The following ENTPD1 variants were observed in gnomAD, a reference collection of about 807,000 sequenced individuals.
ENTPD1 encodes the protein ectonucleoside triphosphate diphosphohydrolase 1.
A neutral mutation model predicts 57.0 loss-of-function variants in ENTPD1; 33 were observed. The observed-to-expected ratio is 0.58, with a 90% CI of 0.44 to 0.77. The LOEUF is 0.77. Ranked by LOEUF, ENTPD1 falls within the 30% of genes least tolerant of loss-of-function variation. The pLI, the probability that ENTPD1 is intolerant of heterozygous loss-of-function variation, is 0.00. For synonymous variants in ENTPD1, 202 were observed against 218.8 expected (o/e 0.92, Z 0.68); for missense variants, 501 against 603.4 (o/e 0.83, Z 1.78).
At chr10:95,759,239 G>A (rs759199783) in intron 1 of ENTPD1, among the ~76,000 whole-genome samples, 3 of 152,210 alleles carry the variant, frequency 2.0e-5, no homozygotes, top group Non-Finnish European at 4.4e-5. Context: ...GGCACAATCT[G>A]TAAAGACGTC....
chr10:95,759,917 AT>A (rs1401132368), intron 1 of ENTPD1, among the ~76,000 whole-genome samples: 14 of 152,214 alleles, frequency 9.2e-5, no homozygotes, highest in African/African-American at 3.4e-4. Flanking sequence ...CAGAGGGGAA[AT>A]TTTGACTGAT....
chr10:95,738,647 A>G (rs1272414559), intron 1 of ENTPD1, among the ~76,000 whole-genome samples: 3 of 152,204 alleles, frequency 2.0e-5, no homozygotes, highest in African/African-American at 7.2e-5. Flanking sequence ...CACCATAAAT[A>G]GGCTATGCAT....
chr10:95,774,514 G>A (rs1004736005), intron 1 of ENTPD1, among the ~76,000 whole-genome samples: 1 of 152,188 alleles, frequency 6.6e-6, no homozygotes, highest in African/African-American at 2.4e-5. Context: ...TGTATAAGGT[G>A]TAAGGAAGGG....
intron 1 of ENTPD1, among the ~76,000 whole-genome samples, chr10:95,760,815 T>A (rs1018988187): frequency 4.3e-3 from 79 of 18,550 alleles, no homozygotes; most frequent in African/African-American, 0.018. Flanking sequence ...GAGTTTATTC[T>A]TTTTTTTTTT....
At chr10:95,856,189 G>A (rs973608819) in intron 7 of ENTPD1, among the ~76,000 whole-genome samples, 4 of 151,098 alleles carry the variant, frequency 2.6e-5, no homozygotes, top group Admixed American at 6.6e-5. Context: ...CATTCATTTC[G>A]CTAGACCATT....
At chr10:95,858,146 G>A (rs751055874) in intron 7 of ENTPD1, among the ~76,000 whole-genome samples, 202 of 143,074 alleles carry the variant, frequency 1.4e-3, no homozygotes, top group Admixed American at 4.8e-3. Context: ...GACAGAGCAA[G>A]ACTCCATCTC....
chr10:95,859,880 CT>C (rs1590193761), intron 7 of ENTPD1, among the ~76,000 whole-genome samples: 1 of 151,896 alleles, frequency 6.6e-6, no homozygotes, highest in African/African-American at 2.4e-5. Flanking sequence ...GAACTTTTAA[CT>C]TTTTTTATAG....
chr10:95,863,517 C>G (rs1240077286), intron 8 of ENTPD1, among the ~76,000 whole-genome samples: 3 of 152,198 alleles, frequency 2.0e-5, no homozygotes, highest in Admixed American at 6.5e-5. Flanking sequence ...AGGAATCAAT[C>G]AAAGGATAAT....
chr10:95,799,730 TTAAAC>T (rs1461043076), intron 1 of ENTPD1, among the ~76,000 whole-genome samples: 4 of 152,232 alleles, frequency 2.6e-5, no homozygotes, highest in Admixed American at 2.0e-4. Flanking sequence ...TCCAAAATGG[TTAAAC>T]TAATTTACAC....
At chr10:95,821,214 A>T (rs945166386) in intron 1 of ENTPD1, among the ~76,000 whole-genome samples, 7 of 152,222 alleles carry the variant, frequency 4.6e-5, no homozygotes, top group African/African-American at 1.7e-4. Context: ...CATCTCTCCC[A>T]TACCAGTTTT....
intron 1 of ENTPD1, among the ~76,000 whole-genome samples, chr10:95,764,664 T>C (rs1489494582): frequency 6.6e-6 from 1 of 152,126 alleles, no homozygotes; most frequent in Non-Finnish European, 1.5e-5. Flanking sequence ...TTCATGTGTT[T>C]AGTGGGCATT....
intron 1 of ENTPD1, among the ~76,000 whole-genome samples, chr10:95,820,637 G>A (rs1035866285): frequency 4.6e-5 from 7 of 152,106 alleles, no homozygotes; most frequent in Non-Finnish European, 1.0e-4. Context: ...TCAAGGTCTC[G>A]GCTCAAATGT....
At chr10:95,824,416 C>T (rs1419711237) in intron 2 of ENTPD1, among the ~76,000 whole-genome samples, 2 of 152,220 alleles carry the variant, frequency 1.3e-5, no homozygotes, top group African/African-American at 2.4e-5. Context: ...ATAGCAGAGG[C>T]GTGGGTGTCA....
chr10:95,786,489 C>T (rs1020334493), intron 1 of ENTPD1, among the ~76,000 whole-genome samples: 3 of 152,096 alleles, frequency 2.0e-5, no homozygotes, highest in Non-Finnish European at 4.4e-5. Flanking sequence ...ATTGCACTAC[C>T]GTCCTTTGCC....
chr10:95,815,701 G>A (rs1180537253), intron 1 of ENTPD1, among the ~76,000 whole-genome samples: 7 of 152,134 alleles, frequency 4.6e-5, no homozygotes, highest in African/African-American at 7.2e-5. Context: ...TATCCATACG[G>A]GTCTGCAGTA....
chr10:95,852,374 G>T (rs1381988250), intron 7 of ENTPD1, among the ~76,000 whole-genome samples: 1 of 152,308 alleles, frequency 6.6e-6, no homozygotes, highest in Non-Finnish European at 1.5e-5. Flanking sequence ...CTCCCATTCT[G>T]TAGGTTGCCT....
intron 1 of ENTPD1, among the ~76,000 whole-genome samples, chr10:95,786,645 T>TA (rs2098181115): frequency 1.3e-5 from 2 of 152,134 alleles, no homozygotes; most frequent in Non-Finnish European, 2.9e-5. Context: ...GCACCAAATC[T>TA]AGTGAGAAAA....
chr10:95,720,547 C>T (rs141044705), intron 1 of ENTPD1, among the ~76,000 whole-genome samples: 451 of 152,192 alleles, frequency 3.0e-3, no homozygotes, highest in Middle Eastern at 6.8e-3. Flanking sequence ...CTGAGAAGGC[C>T]GTGCCAGTGT....
chr10:95,754,254 G>A (rs536079093), upstream of ENTPD1: 1 of 147,536 alleles, frequency 6.8e-6, no homozygotes, highest in African/African-American at 2.5e-5. Context: ...GGTGCAGTAA[G>A]CTGAGATGGC....
Sources: gnomAD v4.1 joint callset for allele counts (sites outside exome capture counted in the v4.1 genomes callset) on GRCh38, gnomAD v4.1.1 for gene constraint, MANE v1.5 for transcripts, NCBI Gene and HGNC (gene_info 2026-07-23, HGNC 2026-07-21) for gene names.